Variants in GLUD1 observed in about 807,000 individuals in gnomAD.
GLUD1 encodes the protein glutamate dehydrogenase 1, mitochondrial.
Under a neutral mutation model 56.0 loss-of-function variants are expected in GLUD1, and 22 were observed. The observed-to-expected ratio is 0.39, with a 90% confidence interval of 0.28 to 0.56. The LOEUF (loss-of-function observed/expected upper bound fraction) is 0.56, where lower values mean the gene tolerates loss of function less well. Ranked by LOEUF, GLUD1 falls within the 20% of genes least tolerant of loss-of-function variation. GLUD1 has a pLI of 0.58. For synonymous variants in GLUD1, 223 were observed against 269.9 expected (o/e 0.83, Z 1.70); for missense variants, 451 against 732.0 (o/e 0.62, Z 4.43).
rs1157253166 is a variant in GLUD1, at chr10:87,073,717, C to A, written c.646+834G>T. Among the ~76,000 whole-genome samples, 7 of 141,292 alleles carry A rather than the reference C, an allele frequency of 5.0e-5. No individual in the cohort carries two copies. The South Asian group carries it at 6.7e-4, about 14-fold the overall frequency. 92.7% of individuals were successfully genotyped at this position (141,292 alleles called of 152,430 possible). On this transcript the variant is annotated intron_variant, in intron 4 of 12. Coordinates refer to ENST00000277865, the MANE Select transcript of GLUD1 (RefSeq NM_005271.5). ...CACTGGAAGCTCTGCTTCCCAGGTT[C>A]ACACCATTCTCCTGTCTCAGCCTCC... is the stretch of plus-strand genomic sequence containing the variant.
intron 11 of GLUD1, among the ~76,000 whole-genome samples, chr10:87,057,283 G>A (rs930067195): frequency 6.6e-6 from 1 of 152,054 alleles, no homozygotes; most frequent in African/African-American, 2.4e-5. Context: ...CACCATGCCT[G>A]GCCTCTTGTT....
intron 1 of GLUD1, among the ~76,000 whole-genome samples, chr10:87,090,063 A>G (rs1410323476): frequency 6.6e-6 from 1 of 152,224 alleles, no homozygotes; most frequent in African/African-American, 2.4e-5. Flanking sequence ...GTAAAAGCCT[A>G]ATTATTGGGT....
chr10:87,065,722 C>T (rs1846058131), intron 5 of GLUD1, among the ~76,000 whole-genome samples: 1 of 151,986 alleles, frequency 6.6e-6, no homozygotes, highest in African/African-American at 2.4e-5. Flanking sequence ...GATGTAATAC[C>T]TACAGATATT....
intron 3 of GLUD1, among the ~76,000 whole-genome samples, chr10:87,075,449 T>C (rs891511235): frequency 4.0e-5 from 6 of 151,356 alleles, no homozygotes; most frequent in African/African-American, 1.5e-4. Flanking sequence ...AAACAGAAAA[T>C]GATAAAGGAT....
At chr10:87,066,145 CA>C (rs946766771) in intron 5 of GLUD1, among the ~76,000 whole-genome samples, 2 of 151,710 alleles carry the variant, frequency 1.3e-5, no homozygotes, top group East Asian at 3.9e-4. Context: ...TGCCAAAAGA[CA>C]AAAAAAACCT....
chr10:87,051,267 T>C lies in GLUD1; in HGVS notation c.*484A>G, dbSNP rs551365539. 6 of 190,726 alleles carry C rather than the reference T, an allele frequency of 3.1e-5. No individual in the cohort carries two copies. The highest frequency in any genetic ancestry group is 2.7e-4 in the South Asian group (2 of 7,540). 11.8% of individuals were successfully genotyped at this position (190,726 alleles called of 1,614,324 possible). ...TTATATTTGTTTGCAACCTGCAAAA[T>C]TGAATTATTTTGCTGATATAAAATA... On this transcript the variant is annotated 3_prime_UTR_variant, in exon 13 of 13. Transcript: ENST00000277865.
intron 1 of GLUD1, among the ~76,000 whole-genome samples, chr10:87,086,592 G>T (rs1425072474): frequency 6.6e-6 from 1 of 151,920 alleles, no homozygotes; most frequent in African/African-American, 2.4e-5. Context: ...GGGAGGCCGA[G>T]GCGGGCGGAT....
At chr10:87,087,029 C>T (rs1023761346) in intron 1 of GLUD1, among the ~76,000 whole-genome samples, 3 of 152,058 alleles carry the variant, frequency 2.0e-5, no homozygotes, top group Non-Finnish European at 4.4e-5. Context: ...AAGACTGTTC[C>T]CTACTTCAGA....
At chr10:87,083,329 G>GT (rs1382464789) in intron 1 of GLUD1, among the ~76,000 whole-genome samples, 2 of 152,068 alleles carry the variant, frequency 1.3e-5, no homozygotes, top group South Asian at 2.1e-4. Flanking sequence ...ACAAAATGAT[G>GT]TGACATATAC....
intron 4 of GLUD1, among the ~76,000 whole-genome samples, chr10:87,069,712 T>C (rs541356211): frequency 6.6e-6 from 1 of 152,296 alleles, no homozygotes; most frequent in East Asian, 1.9e-4. Context: ...TGTGATGTAA[T>C]GGATACAGGG....
At chr10:87,092,903 G>A (rs1414219133) in intron 1 of GLUD1, among the ~76,000 whole-genome samples, 2 of 152,168 alleles carry the variant, frequency 1.3e-5, no homozygotes, top group Non-Finnish European at 2.9e-5. Context: ...GGATAATAAG[G>A]GAGTGGTAGG....
At chr10:87,081,595 T>G (rs1841255636) in intron 1 of GLUD1, among the ~76,000 whole-genome samples, 1 of 152,148 alleles carries the variant, frequency 6.6e-6, no homozygotes, top group Admixed American at 6.5e-5. Flanking sequence ...CATTTTGTTC[T>G]GTACTAAGAA....
chr10:87,079,183 A>G (rs1272705174), intron 1 of GLUD1, among the ~76,000 whole-genome samples: 4 of 152,130 alleles, frequency 2.6e-5, no homozygotes, highest in Admixed American at 6.5e-5. Context: ...TAAAAAATAA[A>G]AAATTTAAAA....
intron 7 of GLUD1, 34 bp downstream of exon 7, chr10:87,060,876 TTTATA>T: frequency 6.2e-7 from 1 of 1,613,942 alleles, no homozygotes; most frequent in Non-Finnish European, 8.5e-7. Context: ...GTTTTAAATA[TTTATA>T]TTTAGTGTCT....
chr10:87,056,437 G>T (rs938893947), intron 11 of GLUD1, among the ~76,000 whole-genome samples: 2 of 151,838 alleles, frequency 1.3e-5, no homozygotes, highest in African/African-American at 4.8e-5. Context: ...GGGACTACAG[G>T]TGCGTGCCAC....
rs374771257 is a variant in GLUD1, at chr10:87,086,155, G to A, written c.445+8170C>T. On this transcript the variant is annotated intron_variant, in intron 1 of 12. Coordinates refer to ENST00000277865, the MANE Select transcript of GLUD1 (RefSeq NM_005271.5). ...GGAAGTGAGGCATGGACAGGCAGAG[G>A]GACTGCACTATTCAAGGGCATGATG... Among the ~76,000 whole-genome samples, 44 of 152,234 alleles carry A rather than the reference G, an allele frequency of 2.9e-4. No individual in the cohort carries two copies. The East Asian group carries it at 5.0e-3, about 17-fold the overall frequency.
At chr10:87,057,322 C>T (rs1266278870) in intron 11 of GLUD1, among the ~76,000 whole-genome samples, 1 of 152,122 alleles carries the variant, frequency 6.6e-6, no homozygotes, top group African/African-American at 2.4e-5. Flanking sequence ...GAGATGGGGA[C>T]TCACTATGTT....
At chr10:87,061,629 T>G (rs574576043) in intron 6 of GLUD1, among the ~76,000 whole-genome samples, 13 of 152,136 alleles carry the variant, frequency 8.5e-5, no homozygotes, top group African/African-American at 2.9e-4. Context: ...ATTTTTTTTT[T>G]TTTTTGAGAC....
At chr10:87,088,385 T>C (rs1841436096) in intron 1 of GLUD1, among the ~76,000 whole-genome samples, 2 of 152,144 alleles carry the variant, frequency 1.3e-5, no homozygotes, top group African/African-American at 4.8e-5. Flanking sequence ...AGTTCAGAGA[T>C]CTTGCCTGCA....
Sources: allele counts gnomAD v4.1 joint callset (sites outside exome capture counted in the v4.1 genomes callset), GRCh38; gene constraint gnomAD v4.1.1; transcripts MANE v1.5; gene names NCBI Gene and HGNC (gene_info 2026-07-23, HGNC 2026-07-21).